The following LPGAT1 variants were observed in gnomAD, a reference collection of about 807,000 sequenced individuals.
The protein encoded by LPGAT1 is lysophosphatidylglycerol acyltransferase 1.
LPGAT1 carries 11 observed loss-of-function variants against 47.5 expected under a neutral mutation model. That is an observed-to-expected ratio of 0.23 (90% CI 0.15 to 0.38). LPGAT1 has a LOEUF of 0.38. Among genes scored for constraint, LPGAT1 ranks in the 10% least tolerant of loss-of-function variants. LPGAT1 has a pLI of 1.00. For synonymous variants in LPGAT1, 138 were observed against 144.2 expected (o/e 0.96, Z 0.31); for missense variants, 293 against 439.0 (o/e 0.67, Z 2.97).
Position 211,827,122 on chromosome 1 carries a change from T to C in LPGAT1, c.238+1937A>G, listed in dbSNP as rs189292472. On this transcript the variant is annotated intron_variant, in intron 2 of 7. Transcript: ENST00000366997. ...GACCAGGCTCTCTGAAATCAAGTAT[T>C]CTACCTATAGGAAAACCTTTTAAAA... 2.4e-4 allele frequency among the ~76,000 whole-genome samples: 37 copies of C among 152,302 alleles called. 1 individual carries two copies. Among genetic ancestry groups the C allele is most frequent in the Admixed American group, 1.1e-3 (17 of 15,308 alleles).
rs1658724261 is a variant in LPGAT1, at chr1:211,783,487, C to T, written c.469G>A (p.Asp157Asn). 1.9e-6 allele frequency: 3 copies of T among 1,613,366 alleles called. No individual in the cohort carries two copies. In the South Asian group the frequency reaches 3.3e-5, roughly 18 times the overall value. Residue 157 changes from aspartate (D) to asparagine (N), a missense_variant, in exon 5 of 8, where the codon GAC becomes AAC. Coordinates refer to ENST00000366997, the MANE Select transcript of LPGAT1 (RefSeq NM_014873.3). Reference sequence around the variant, plus strand: ...TTCTTGAGAAGCAGCAGCTGTTGGTCACGATAAGATCTTCCCTAGAAGGTA... The same window carrying T: ...TTCTTGAGAAGCAGCAGCTGTTGGTTACGATAAGATCTTCCCTAGAAGGTA... ...FFIRQGRSYR[D>N]QQLLLLKKHL...
chr1:211,757,730 G>A (rs1456545233), intron 6 of LPGAT1, among the ~76,000 whole-genome samples: 2 of 152,192 alleles, frequency 1.3e-5, no homozygotes, highest in Non-Finnish European at 2.9e-5. Flanking sequence ...CAGAGACAAG[G>A]AGATAAAATT....
At chr1:211,829,595 G>A in intron 1 of LPGAT1, 2 of 1,236,670 alleles carry the variant, frequency 1.6e-6, no homozygotes, top group East Asian at 8.0e-5. Context: ...TTCAGTAATC[G>A]GTGGCCGTCC....
rs1660172208 is a variant in LPGAT1, at chr1:211,816,320, A to G, written c.238+12739T>C. 2.6e-5 allele frequency among the ~76,000 whole-genome samples: 4 copies of G among 152,176 alleles called. No individual in the cohort carries two copies. In the South Asian group the frequency reaches 8.3e-4, roughly 32 times the overall value. On this transcript the variant is annotated intron_variant, in intron 2 of 7. Transcript: ENST00000366997. ...ACATGTAAACTTCTTAAGAACAGCA[A>G]CTATGTTGTTTTGTTTGCCACTGTA... is the stretch of plus-strand genomic sequence containing the variant.
chr1:211,824,435 C>A (rs960584032), intron 2 of LPGAT1, among the ~76,000 whole-genome samples: 15 of 152,132 alleles, frequency 9.9e-5, no homozygotes, highest in African/African-American at 3.6e-4. Context: ...TAGACACTTA[C>A]TGAGTACTCT....
chr1:211,795,656 C>T (rs970574183), intron 2 of LPGAT1, among the ~76,000 whole-genome samples: 4 of 152,252 alleles, frequency 2.6e-5, no homozygotes, highest in African/African-American at 4.8e-5. Context: ...CCTGAGCCAC[C>T]GCGCCCAGCC....
intron 6 of LPGAT1, among the ~76,000 whole-genome samples, chr1:211,762,009 G>GT (rs1277643199): frequency 2.6e-5 from 4 of 152,292 alleles, no homozygotes; most frequent in Admixed American, 2.0e-4. Flanking sequence ...GGTACTCTTT[G>GT]TAAGACAGAT....
chr1:211,804,317 T>C (rs12564498), intron 2 of LPGAT1, among the ~76,000 whole-genome samples: 12,706 of 152,188 alleles, frequency 0.083, 655 homozygotes, highest in Admixed American at 0.15. Context: ...CCCACAGTAT[T>C]GGGAATACAG....
intron 6 of LPGAT1, among the ~76,000 whole-genome samples, chr1:211,751,680 G>A (rs1657192389): frequency 6.6e-6 from 1 of 152,170 alleles, no homozygotes. Context: ...ACTGAGAGGG[G>A]ACAGGCAGCA....
intron 2 of LPGAT1, among the ~76,000 whole-genome samples, chr1:211,799,951 T>G (rs1286407521): frequency 6.6e-6 from 1 of 152,164 alleles, no homozygotes; most frequent in Non-Finnish European, 1.5e-5. Flanking sequence ...ATCTTCCACA[T>G]TCAATCCATC....
chr1:211,771,526 C>T (rs1253072490), intron 6 of LPGAT1, among the ~76,000 whole-genome samples: 1 of 151,514 alleles, frequency 6.6e-6, no homozygotes, highest in Non-Finnish European at 1.5e-5. Flanking sequence ...TTTTTTGAGA[C>T]AGAGTCTCAC....
intron 2 of LPGAT1, among the ~76,000 whole-genome samples, chr1:211,823,366 A>G (rs1268502715): frequency 6.6e-6 from 1 of 152,202 alleles, no homozygotes; most frequent in Non-Finnish European, 1.5e-5. Context: ...CATCTCTTAA[A>G]TGAATTATAA....
intron 2 of LPGAT1, among the ~76,000 whole-genome samples, chr1:211,817,525 C>T (rs1248492846): frequency 2.0e-5 from 3 of 150,952 alleles, no homozygotes; most frequent in African/African-American, 4.9e-5. Flanking sequence ...GAGCCGAGAT[C>T]GCACCACTGC....
intron 2 of LPGAT1, among the ~76,000 whole-genome samples, chr1:211,800,048 T>G (rs543918758): frequency 3.3e-5 from 5 of 152,038 alleles, no homozygotes; most frequent in African/African-American, 1.2e-4. Flanking sequence ...ATTATTATTA[T>G]TATTGAGACA....
chr1:211,749,861 G>C lies in LPGAT1; in HGVS notation c.*38C>G. ...AATGCACACTTATGAAAGAAAGTCT[G>C]AACTCCTACGGTGACCTTGACAAGT... On this transcript the variant is annotated 3_prime_UTR_variant, in exon 8 of 8. Coordinates refer to ENST00000366997, the MANE Select transcript of LPGAT1 (RefSeq NM_014873.3). The C allele has an allele frequency of 6.3e-7, 1 of 1,599,974 alleles. No individual in the cohort carries two copies. Among genetic ancestry groups the C allele is most frequent in the Non-Finnish European group, 8.5e-7 (1 of 1,173,938 alleles).
intron 2 of LPGAT1, among the ~76,000 whole-genome samples, chr1:211,825,000 C>T (rs143988090): frequency 6.6e-6 from 1 of 152,000 alleles, no homozygotes; most frequent in Non-Finnish European, 1.5e-5. Flanking sequence ...AAAGCCCCCC[C>T]CAAATAATGC....
intron 3 of LPGAT1, among the ~76,000 whole-genome samples, chr1:211,791,778 A>AAAC (rs1558270820): frequency 6.9e-6 from 1 of 144,606 alleles, no homozygotes; most frequent in Admixed American, 6.9e-5. Flanking sequence ...AACAAACAAA[A>AAAC]AAAAAAAACA....
intron 2 of LPGAT1, among the ~76,000 whole-genome samples, chr1:211,827,451 C>T (rs1660573128): frequency 6.6e-6 from 1 of 152,206 alleles, no homozygotes; most frequent in Non-Finnish European, 1.5e-5. Flanking sequence ...ATTTTACCTT[C>T]CCACCATGCT....
At chr1:211,786,441 C>G (rs1237995427) in intron 4 of LPGAT1, among the ~76,000 whole-genome samples, 2 of 152,198 alleles carry the variant, frequency 1.3e-5, no homozygotes, top group African/African-American at 4.8e-5. Flanking sequence ...CACCAAATAA[C>G]TGTGGTATTG....
Sources: gnomAD v4.1 joint callset for allele counts (sites outside exome capture counted in the v4.1 genomes callset) on GRCh38, gnomAD v4.1.1 for gene constraint, MANE v1.5 for transcripts, NCBI Gene and HGNC (gene_info 2026-07-23, HGNC 2026-07-21) for gene names.